FOXP2: variants seen among roughly 807,000 people sequenced by gnomAD.
FOXP2 encodes forkhead box P2.
FOXP2 carries 12 observed loss-of-function variants against 115.8 expected under a neutral mutation model. The observed-to-expected ratio is 0.10, with a 90% confidence interval of 0.07 to 0.17. The LOEUF (loss-of-function observed/expected upper bound fraction) is 0.17. Ranked by LOEUF, FOXP2 falls within the 10% of genes least tolerant of loss-of-function variation. FOXP2 has a pLI of 1.00. For synonymous variants in FOXP2, 328 were observed against 297.7 expected (o/e 1.10, Z -1.05); for missense variants, 629 against 843.5 (o/e 0.75, Z 3.15).
Position 114,501,745 on chromosome 7 carries a change from A to G in FOXP2, c.169-32872A>G, listed in dbSNP as rs73436152. 7.1e-3 allele frequency among the ~76,000 whole-genome samples: 1,079 copies of G among 152,216 alleles called. 11 individuals carry two copies. The highest frequency in any genetic ancestry group is 0.025 in the African/African-American group (1,026 of 41,566). On this transcript the variant is annotated intron_variant, in intron 2 of 16. Transcript: ENST00000350908. Reference sequence around the variant, plus strand: ...TTTTCCAATATTTTAGTAATACACAATCTCTGCTTTTCTCATGTGATTAAA... The same window carrying G: ...TTTTCCAATATTTTAGTAATACACAGTCTCTGCTTTTCTCATGTGATTAAA...
intron 3 of FOXP2, among the ~76,000 whole-genome samples, chr7:114,545,633 G>T (rs1799882454): frequency 6.6e-6 from 1 of 152,124 alleles, no homozygotes; most frequent in Non-Finnish European, 1.5e-5. Context: ...GTTGTCTGCT[G>T]CAATGGCTCT....
intron 1 of FOXP2, among the ~76,000 whole-genome samples, chr7:114,114,569 T>C (rs1175295333): frequency 6.6e-6 from 1 of 151,842 alleles, no homozygotes; most frequent in Non-Finnish European, 1.5e-5. Context: ...TTTCTGTTTG[T>C]TTTTTTTCTC....
At chr7:114,216,451 G>C (rs191869551) in intron 1 of FOXP2, among the ~76,000 whole-genome samples, 2 of 152,038 alleles carry the variant, frequency 1.3e-5, no homozygotes, top group Non-Finnish European at 2.9e-5. Context: ...CTTGTGCAGC[G>C]TAAGTTTAAG....
At position 114,313,577 on chromosome 7, in the gene FOXP2, C is replaced by G. The variant is rs1797198647; in HGVS notation, c.-11+25468C>G. Among the ~76,000 whole-genome samples the G allele has an allele frequency of 2.2e-5, 2 of 92,726 alleles. 1 individual carries two copies. Among genetic ancestry groups the G allele is most frequent in the Non-Finnish European group, 3.9e-5 (2 of 50,706 alleles). The allele number at this position is 92,726 out of a possible 152,430, so 60.8% of individuals were successfully genotyped here. ...CGGCTAAAACGGTGAAACCCCGTCT[C>G]TACTAAAAATACAAAAAATTAGCCG... On this transcript the variant is annotated intron_variant, in intron 2 of 17. Coordinates refer to the FOXP2 transcript ENST00000634411.
chr7:114,210,435 C>T (rs1794315072), intron 1 of FOXP2, among the ~76,000 whole-genome samples: 1 of 152,012 alleles, frequency 6.6e-6, no homozygotes, highest in African/African-American at 2.4e-5. Context: ...TGCTCCAGAC[C>T]CCAGTTGCCT....
intron 2 of FOXP2, among the ~76,000 whole-genome samples, chr7:114,502,556 G>A (rs1484881281): frequency 6.6e-6 from 1 of 152,038 alleles, no homozygotes; most frequent in Non-Finnish European, 1.5e-5. Flanking sequence ...TGTTTGGCTT[G>A]TTTATATTGG....
intron 1 of FOXP2, among the ~76,000 whole-genome samples, chr7:114,282,197 A>T (rs1307592459): frequency 6.6e-6 from 1 of 152,196 alleles, no homozygotes; most frequent in East Asian, 1.9e-4. Flanking sequence ...ATATGTTTAG[A>T]TCTGCGTCAT....
intron 1 of FOXP2, among the ~76,000 whole-genome samples, chr7:114,134,009 G>T (rs1597548): frequency 6.6e-6 from 1 of 152,010 alleles, no homozygotes; most frequent in East Asian, 1.9e-4. Context: ...AGCCAGTAGA[G>T]GAGATTGAGA....
At chr7:114,272,039 A>G (rs1796074158) in intron 1 of FOXP2, among the ~76,000 whole-genome samples, 1 of 140,386 alleles carries the variant, frequency 7.1e-6, no homozygotes, top group South Asian at 2.1e-4. Flanking sequence ...ATAATATAAT[A>G]TAAATATGTA....
At chr7:114,391,262 G>A (rs114226137) in intron 2 of FOXP2, among the ~76,000 whole-genome samples, 151 of 152,130 alleles carry the variant, frequency 9.9e-4, no homozygotes, top group Middle Eastern at 6.8e-3. Flanking sequence ...TTTCCATTTG[G>A]CGACATGCCC....
At chr7:114,535,114 A>G (rs1799316800) in intron 3 of FOXP2, among the ~76,000 whole-genome samples, 2 of 151,716 alleles carry the variant, frequency 1.3e-5, no homozygotes, top group African/African-American at 4.8e-5. Context: ...CAAGTGACAA[A>G]TGCAGAAAAC....
At chr7:114,614,503 T>A (rs1169200414) in intron 3 of FOXP2, among the ~76,000 whole-genome samples, 1 of 152,218 alleles carries the variant, frequency 6.6e-6, no homozygotes, top group Non-Finnish European at 1.5e-5. Flanking sequence ...AGATTTTTTT[T>A]AACATAGTTA....
At chr7:114,523,008 A>G (rs1012379581) in intron 2 of FOXP2, among the ~76,000 whole-genome samples, 5 of 151,792 alleles carry the variant, frequency 3.3e-5, no homozygotes, top group Admixed American at 1.3e-4. Flanking sequence ...TCTAAATATA[A>G]ATGCATTTCT....
intron 2 of FOXP2, among the ~76,000 whole-genome samples, chr7:114,315,944 T>C (rs974875331): frequency 3.9e-5 from 6 of 152,216 alleles, no homozygotes; most frequent in African/African-American, 1.4e-4. Context: ...CCATAGGGCA[T>C]ATCACAACCT....
At chr7:114,571,139 A>T (rs1308012118) in intron 3 of FOXP2, among the ~76,000 whole-genome samples, 7 of 151,952 alleles carry the variant, frequency 4.6e-5, no homozygotes. Flanking sequence ...TAAAGGCTTT[A>T]ACACCACTAT....
At chr7:114,565,159 A>C (rs1800948590) in intron 3 of FOXP2, among the ~76,000 whole-genome samples, 1 of 150,962 alleles carries the variant, frequency 6.6e-6, no homozygotes, top group South Asian at 2.1e-4. Flanking sequence ...AGAGGTTCAG[A>C]TACAAAAAAG....
chr7:114,186,105 A>T (rs1428886345), intron 1 of FOXP2, among the ~76,000 whole-genome samples: 1 of 152,168 alleles, frequency 6.6e-6, no homozygotes, highest in Non-Finnish European at 1.5e-5. Flanking sequence ...TAATACTGTT[A>T]CAATGGCAAC....
At chr7:114,600,770 A>G (rs1162087436) in intron 3 of FOXP2, among the ~76,000 whole-genome samples, 3 of 152,108 alleles carry the variant, frequency 2.0e-5, no homozygotes, top group Admixed American at 1.3e-4. Flanking sequence ...ATAATTTCAT[A>G]TGCTTATTTT....
intron 1 of FOXP2, among the ~76,000 whole-genome samples, chr7:114,244,435 C>A (rs950823278): frequency 6.6e-6 from 1 of 152,124 alleles, no homozygotes; most frequent in Non-Finnish European, 1.5e-5. Flanking sequence ...ACCCTCTTAC[C>A]CCCAAAATTG....
Sources: allele counts gnomAD v4.1 joint callset (sites outside exome capture counted in the v4.1 genomes callset), GRCh38; gene constraint gnomAD v4.1.1; transcripts MANE v1.5; gene names NCBI Gene and HGNC (gene_info 2026-07-23, HGNC 2026-07-21).